Variants in DGKI observed in about 807,000 individuals in gnomAD.
The protein encoded by DGKI is diacylglycerol kinase iota.
DGKI carries 55 observed loss-of-function variants against 147.5 expected under a neutral mutation model. The ratio of observed to expected loss-of-function variants is 0.37; its 90% CI spans 0.30 to 0.47. The LOEUF (loss-of-function observed/expected upper bound fraction) is 0.47, where lower values mean the gene tolerates loss of function less well. Among genes scored for constraint, DGKI ranks in the 20% least tolerant of loss-of-function variants. DGKI has a pLI of 1.00. For synonymous variants in DGKI, 469 were observed against 477.1 expected (o/e 0.98, Z 0.22); for missense variants, 1,007 against 1,323.8 (o/e 0.76, Z 3.71).
chr7:137,661,403 G>A (rs1193506257), intron 3 of DGKI, among the ~76,000 whole-genome samples: 1 of 152,132 alleles, frequency 6.6e-6, no homozygotes, highest in East Asian at 1.9e-4. Flanking sequence ...GCAAAGGGAT[G>A]ACAGCCAGGA....
chr7:137,440,103 G>A (rs2128915386), intron 28 of DGKI, among the ~76,000 whole-genome samples: 1 of 152,292 alleles, frequency 6.6e-6, no homozygotes, highest in East Asian at 1.9e-4. Flanking sequence ...GAAGCAGCCT[G>A]GGCCCAGGAG....
At chr7:137,597,695 C>A in intron 12 of DGKI, 152 bp downstream of exon 12, 1 of 686,496 alleles carries the variant, frequency 1.5e-6, no homozygotes. Context: ...ATAACAAAGT[C>A]CCTTGTTACT....
chr7:137,585,217 C>A lies in DGKI; in HGVS notation c.1555G>T (p.Val519Leu), dbSNP rs111722170. The A allele has an allele frequency of 1.9e-6, 3 of 1,614,142 alleles. No homozygotes were observed. The highest frequency in any genetic ancestry group is 1.7e-6 in the Non-Finnish European group (2 of 1,179,992). ...DLPPEELEDG[V>L]CKLPLNVFNN... is the part of the protein sequence containing the mutation. ...ACAAAAAACTCTCTAACCTTACATACGCCATCTTCAAGTTCTTCTGGAGGC... is the reference window on the plus strand; with the variant it reads ...ACAAAAAACTCTCTAACCTTACATAAGCCATCTTCAAGTTCTTCTGGAGGC... Residue 519 changes from valine (V) to leucine (L), a missense_variant, in exon 14 of 33, where the codon GTA (valine) becomes TTA (leucine). Coordinates refer to ENST00000614521, the MANE Select transcript of DGKI (RefSeq NM_001321708.2).
At chr7:137,576,331 C>T (rs771744975) in intron 17 of DGKI, among the ~76,000 whole-genome samples, 1 of 152,034 alleles carries the variant, frequency 6.6e-6, no homozygotes, top group Non-Finnish European at 1.5e-5. Context: ...AGCCACCGCG[C>T]CTGGCCCATC....
intron 1 of DGKI, chr7:137,771,985 C>T (rs990854883): frequency 6.6e-6 from 1 of 151,974 alleles, no homozygotes; most frequent in African/African-American, 2.4e-5. Context: ...CGACCTTGTT[C>T]CAATTCAGAG....
At chr7:137,534,732 A>C (rs118170910) in intron 20 of DGKI, among the ~76,000 whole-genome samples, 2,071 of 152,240 alleles carry the variant, frequency 0.014, 38 homozygotes, top group South Asian at 0.072. Context: ...TGACACAGAA[A>C]TATAACTAAA....
chr7:137,796,666 G>A (rs115181324), intron 1 of DGKI, among the ~76,000 whole-genome samples: 6 of 152,190 alleles, frequency 3.9e-5, no homozygotes, highest in South Asian at 4.1e-4. Context: ...GTGCAATAAC[G>A]TAAATGAAAA....
chr7:137,745,434 T>C (rs1391540783), intron 1 of DGKI, among the ~76,000 whole-genome samples: 1 of 152,230 alleles, frequency 6.6e-6, no homozygotes, highest in East Asian at 1.9e-4. Context: ...AAATATTAAA[T>C]GGAAAATTCC....
intron 19 of DGKI, among the ~76,000 whole-genome samples, chr7:137,560,651 A>T (rs920473067): frequency 5.3e-5 from 8 of 152,176 alleles, no homozygotes; most frequent in African/African-American, 1.9e-4. Flanking sequence ...GTCTTAGTGG[A>T]CCCAATGTAG....
At chr7:137,420,887 T>C (rs56411254) in intron 28 of DGKI, among the ~76,000 whole-genome samples, 61,955 of 151,894 alleles carry the variant, frequency 0.41, 13,183 homozygotes, top group East Asian at 0.74. Flanking sequence ...GGCATGACGG[T>C]GGAAGCCTGT....
chr7:137,439,775 G>A (rs1358835444), intron 28 of DGKI, among the ~76,000 whole-genome samples: 1 of 151,990 alleles, frequency 6.6e-6, no homozygotes, highest in Non-Finnish European at 1.5e-5. Context: ...TGTCCACTAT[G>A]TTACTGCTGC....
Position 137,744,172 on chromosome 7 carries a change from A to T in DGKI, c.402-54170T>A, listed in dbSNP as rs1368572385. Among the ~76,000 whole-genome samples, 16 of 152,074 alleles carry T rather than the reference A, an allele frequency of 1.1e-4. 1 individual carries two copies. Among genetic ancestry groups the T allele is most frequent in the Admixed American group, 1.0e-3 (16 of 15,252 alleles). On this transcript the variant is annotated intron_variant, in intron 1 of 32. Transcript: ENST00000614521. ...CTAGATTAACAAAGAAAAAGAGAAG[A>T]TCCAAATAAGCACAATCAGAAATGA...
At position 137,678,492 on chromosome 7, in the gene DGKI, A is replaced by G. The variant is rs17169382; in HGVS notation, c.606+65T>C. Reference sequence around the variant, plus strand: ...CAAACCTCCCCTTGGAAATTTAGGCAAGGTGACCCCTCTATTCATTCAGAT... The same window carrying G: ...CAAACCTCCCCTTGGAAATTTAGGCGAGGTGACCCCTCTATTCATTCAGAT... On this transcript the variant is annotated intron_variant, in intron 3 of 32. Coordinates refer to ENST00000614521, the MANE Select transcript of DGKI (RefSeq NM_001321708.2). 1.6e-4 allele frequency: 235 copies of G among 1,497,340 alleles called. 1 individual carries two copies. The East Asian group carries it at 5.0e-3, about 32-fold the overall frequency. The allele number at this position is 1,497,340 out of a possible 1,614,324, so 92.8% of individuals were successfully genotyped here.
chr7:137,473,014 G>GATTCTAATTACAGATTCTAATTACA (rs1815040259), intron 23 of DGKI, among the ~76,000 whole-genome samples: 1 of 152,068 alleles, frequency 6.6e-6, no homozygotes, highest in African/African-American at 2.4e-5. Context: ...ACAGAAAATT[G>GATTCTAATTACAGATTCTAATTACA]GATGTTATTT....
intron 6 of DGKI, among the ~76,000 whole-genome samples, chr7:137,638,605 T>TATATACGC (rs1237752591): frequency 7.0e-5 from 1 of 14,268 alleles, no homozygotes; most frequent in East Asian, 3.6e-3. Context: ...CATATATGTA[T>TATATACGC]ATATATACAC....
intron 10 of DGKI, among the ~76,000 whole-genome samples, chr7:137,606,486 A>C (rs1820190207): frequency 6.6e-6 from 1 of 152,164 alleles, no homozygotes; most frequent in Non-Finnish European, 1.5e-5. Context: ...TGCTAACCAT[A>C]GTATGGTTCT....
At chr7:137,591,125 G>A (rs1819593935) in intron 12 of DGKI, among the ~76,000 whole-genome samples, 1 of 152,180 alleles carries the variant, frequency 6.6e-6, no homozygotes, top group Admixed American at 6.5e-5. Context: ...AGGGTGCCTG[G>A]ATTTCTCACC....
intron 21 of DGKI, among the ~76,000 whole-genome samples, chr7:137,497,056 C>CAA (rs1815991804): frequency 6.6e-6 from 1 of 150,948 alleles, no homozygotes; most frequent in Non-Finnish European, 1.5e-5. Context: ...GCAAATAATG[C>CAA]ATCTGACAAA....
intron 1 of DGKI, among the ~76,000 whole-genome samples, chr7:137,757,109 C>G (rs561296638): frequency 3.9e-5 from 6 of 152,176 alleles, no homozygotes; most frequent in African/African-American, 1.4e-4. Context: ...CCGCCCCTGA[C>G]TTTTCAAAGC....
Sources: allele counts gnomAD v4.1 joint callset (sites outside exome capture counted in the v4.1 genomes callset), GRCh38; gene constraint gnomAD v4.1.1; transcripts MANE v1.5; gene names NCBI Gene and HGNC (gene_info 2026-07-23, HGNC 2026-07-21).